APOBEC1: variants seen among roughly 807,000 people sequenced by gnomAD.
APOBEC1 encodes the protein apolipoprotein B mRNA editing enzyme catalytic subunit 1, also known as C->U-editing enzyme APOBEC-1.
A neutral mutation model predicts 26.3 loss-of-function variants in APOBEC1; 22 were observed. The ratio of observed to expected loss-of-function variants is 0.84; its 90% CI spans 0.60 to 1.19. The LOEUF (loss-of-function observed/expected upper bound fraction) is 1.19. Ranked by LOEUF, APOBEC1 falls within the 50% of genes most tolerant of loss-of-function variation. APOBEC1 has a pLI of 0.00. For missense variants in APOBEC1, 253 were observed against 289.0 expected (o/e 0.88, Z 0.90); for synonymous variants, 77 against 95.3 (o/e 0.81, Z 1.12).
chr12:7,649,791 G>T, intron 4 of APOBEC1, 95 bp from the exon 5 acceptor site: 1 of 991,234 alleles, frequency 1.0e-6, no homozygotes, highest in Non-Finnish European at 1.5e-6. Flanking sequence ...GTTGGAAGAC[G>T]ATTTAACTAT....
intron 1 of APOBEC1, among the ~76,000 whole-genome samples, chr12:7,661,910 G>A (rs1863825242): frequency 6.6e-6 from 1 of 152,132 alleles, no homozygotes; most frequent in Non-Finnish European, 1.5e-5. Context: ...CAATGCACAG[G>A]GCTTCAGGGA....
intron 4 of APOBEC1, 111 bp from the exon 5 acceptor site, chr12:7,649,807 C>CTTT: frequency 8.2e-6 from 6 of 728,996 alleles, no homozygotes; most frequent in Non-Finnish European, 1.2e-5. Flanking sequence ...ACTATTTCTT[C>CTTT]TTTTTTTTTT....
chr12:7,662,570 G>C (rs186992386), intron 1 of APOBEC1, among the ~76,000 whole-genome samples: 2 of 152,078 alleles, frequency 1.3e-5, no homozygotes, highest in Non-Finnish European at 2.9e-5. Context: ...GCGACAGAGC[G>C]AGAGAGACTC....
intron 3 of APOBEC1, among the ~76,000 whole-genome samples, chr12:7,651,544 G>C (rs1453091993): frequency 6.6e-6 from 1 of 151,412 alleles, no homozygotes; most frequent in African/African-American, 2.4e-5. Context: ...AACCCCAGGT[G>C]GAGCTTGCAG....
Position 7,651,007 on chromosome 12 carries a change from C to A in APOBEC1, c.561+16G>T. The A allele has an allele frequency of 1.3e-6, 2 of 1,560,300 alleles. No individual in the cohort carries two copies. The highest frequency in any genetic ancestry group is 1.8e-6 in the Non-Finnish European group (2 of 1,134,482). ...CTTCTTTTTGCATCAACATTTGTGT[C>A]CCTAAAGTGACTTACTAGAATTATG... On this transcript the variant is annotated intron_variant, in intron 4 of 4. Transcript: ENST00000229304.
intron 1 of APOBEC1, among the ~76,000 whole-genome samples, chr12:7,659,373 T>A (rs1234885189): frequency 8.8e-6 from 1 of 114,076 alleles, no homozygotes; most frequent in African/African-American, 3.6e-5. Context: ...AATTTAAAAA[T>A]CACACACACA....
intron 3 of APOBEC1, among the ~76,000 whole-genome samples, 200 bp from the exon 4 acceptor site, chr12:7,651,341 T>C (rs778129155): frequency 2.0e-5 from 3 of 152,064 alleles, no homozygotes; most frequent in African/African-American, 4.8e-5. Flanking sequence ...GTTGGCTGGG[T>C]GCGGTGGCTC....
upstream of APOBEC1, among the ~76,000 whole-genome samples, chr12:7,669,448 C>T (rs1276657526): frequency 1.3e-5 from 2 of 152,158 alleles, no homozygotes; most frequent in East Asian, 1.9e-4. Flanking sequence ...AATAAAGCTG[C>T]TGTGAACATT....
chr12:7,651,638 G>T (rs1863642701), intron 3 of APOBEC1, among the ~76,000 whole-genome samples: 2 of 148,138 alleles, frequency 1.4e-5, no homozygotes, highest in Non-Finnish European at 3.0e-5. Context: ...AAGAGTTGTT[G>T]TTTGTTTTTG....
intron 1 of APOBEC1, among the ~76,000 whole-genome samples, chr12:7,660,410 A>AAGAAAGAAAGAAAGAAAGAGAGAGAGAG (rs111744018): frequency 1.2e-5 from 1 of 84,268 alleles, no homozygotes; most frequent in African/African-American, 4.6e-5. Context: ...GAAAGAAAGA[A>AAGAAAGAAAGAAAGAAAGAGAGAGAGAG]AGAGAGGGTA....
At position 7,665,752 on chromosome 12, in the gene APOBEC1, G is replaced by GACACACACACACACAC. The variant is rs60124402; in HGVS notation, c.16+89_16+104dup. 543 of 775,608 alleles carry GACACACACACACACAC rather than the reference G, an allele frequency of 7.0e-4. 5 individuals carry two copies. Among genetic ancestry groups the GACACACACACACACAC allele is most frequent in the African/African-American group, 1.4e-3 (72 of 49,916 alleles). 48.0% of individuals were successfully genotyped at this position (775,608 alleles called of 1,614,324 possible). A position where few individuals can be genotyped will look rare whatever the true frequency, so the allele number is the denominator to read the frequency against. On this transcript the variant is annotated intron_variant, in intron 1 of 4. Transcript: ENST00000229304. ...CACCCACAGATGCAAGAATCAGCAG[G>GACACACACACACACAC]ACACACACACACACACACACACACA...
chr12:7,652,617 A>T lies in APOBEC1; in HGVS notation c.263T>A (p.Leu88Ter), dbSNP rs781156761. The T allele has an allele frequency of 5.6e-6, 9 of 1,614,104 alleles. No homozygotes were observed. In the East Asian group the frequency reaches 2.0e-4, roughly 36 times the overall value. ...GCATTCCCAGCAGGGACTCCAGGAC[A>T]AGAACCAGGTGATGGAGCAGCTCAT... is the stretch of plus-strand genomic sequence containing the variant. ...PSMSCSITWF[L>*]SWSPCWECSQ... Residue 88 changes from leucine to a stop codon, truncating the protein, a stop_gained, in exon 3 of 5, where the codon TTG becomes TAG. Transcript: ENST00000229304. LOFTEE classifies it high-confidence loss of function.
chr12:7,660,394 A>AGGAC (rs1565442453), intron 1 of APOBEC1, among the ~76,000 whole-genome samples: 18 of 97,166 alleles, frequency 1.9e-4, no homozygotes, highest in South Asian at 4.6e-4. Context: ...GAAAGAAAGA[A>AGGAC]AGAAAGAAAG....
At chr12:7,651,000 T>C (rs748076636) in intron 4 of APOBEC1, 23 bp downstream of exon 4, 37 of 1,525,392 alleles carry the variant, frequency 2.4e-5, no homozygotes, top group Non-Finnish European at 3.1e-5. Flanking sequence ...TGCATCAACA[T>C]TTGTGTCCCT....
intron 1 of APOBEC1, among the ~76,000 whole-genome samples, chr12:7,663,501 G>A (rs1351023962): frequency 5.3e-5 from 8 of 152,238 alleles, no homozygotes; most frequent in African/African-American, 7.2e-5. Flanking sequence ...GTTGGAATGA[G>A]CTCTTCTCAG....
intron 3 of APOBEC1, among the ~76,000 whole-genome samples, chr12:7,651,382 G>A (rs918411602): frequency 3.9e-5 from 6 of 152,110 alleles, no homozygotes; most frequent in African/African-American, 9.7e-5. Flanking sequence ...TTGGGAGGCC[G>A]AGGGGGGTGG....
chr12:7,649,628 A>G lies in APOBEC1; in HGVS notation c.630T>C (p.Leu210=), dbSNP rs1863609228. 1 of 1,613,926 alleles carries G rather than the reference A, an allele frequency of 6.2e-7. No homozygotes were observed. The highest frequency in any genetic ancestry group is 1.7e-5 in the Admixed American group (1 of 59,994). The change falls in exon 5 of 5, where the codon CTT becomes CTC. Residue 210 remains leucine (L), a synonymous_variant. Coordinates refer to ENST00000229304, the MANE Select transcript of APOBEC1 (RefSeq NM_001644.5). ...QNHLTFFRLH[L]QNCHYQTIPP... Reference sequence around the variant, plus strand: ...GAATCGTTTGGTAATGGCAGTTTTGAAGATGAAGTCTGAAAAATGTAAGAT... The same window carrying G: ...GAATCGTTTGGTAATGGCAGTTTTGGAGATGAAGTCTGAAAAATGTAAGAT...
Position 7,654,698 on chromosome 12 carries a change from G to C in APOBEC1, c.17-66C>G. On this transcript the variant is annotated intron_variant, in intron 1 of 4. Transcript: ENST00000229304. ...ATCAAATGAGTTGCTAAGAAAAAGT[G>C]CTCTATTATTCCAAACCTCCAAATC... is the stretch of plus-strand genomic sequence containing the variant. The C allele has an allele frequency of 2.7e-6, 4 of 1,474,716 alleles. No individual in the cohort carries two copies. In the South Asian group the frequency reaches 3.4e-5, roughly 13 times the overall value. The allele number at this position is 1,474,716 out of a possible 1,614,324, so 91.4% of individuals were successfully genotyped here.
At chr12:7,657,292 T>G (rs1365502785) in intron 1 of APOBEC1, among the ~76,000 whole-genome samples, 1 of 152,186 alleles carries the variant, frequency 6.6e-6, no homozygotes, top group Non-Finnish European at 1.5e-5. Flanking sequence ...AGAACCTAAG[T>G]TGAGCCAGTC....
Sources: gnomAD v4.1 joint callset for allele counts (sites outside exome capture counted in the v4.1 genomes callset) on GRCh38, gnomAD v4.1.1 for gene constraint, MANE v1.5 for transcripts, NCBI Gene and HGNC (gene_info 2026-07-23, HGNC 2026-07-21) for gene names.